The following OXR1 variants were observed in gnomAD, a reference collection of about 807,000 sequenced individuals.
OXR1 encodes the protein oxidation resistance protein 1.
OXR1 carries 41 observed loss-of-function variants against 104.6 expected under a neutral mutation model. That is an observed-to-expected ratio of 0.39 (90% CI 0.31 to 0.51). The LOEUF is 0.51. Ranked by LOEUF, OXR1 falls within the 20% of genes least tolerant of loss-of-function variation. The pLI is 0.77. For synonymous variants in OXR1, 348 were observed against 348.4 expected (o/e 1.00, Z 0.01); for missense variants, 955 against 1,031.9 (o/e 0.93, Z 1.02).
At chr8:106,472,962 C>G (rs1374908871) in intron 2 of OXR1, among the ~76,000 whole-genome samples, 1 of 151,838 alleles carries the variant, frequency 6.6e-6, no homozygotes, top group Non-Finnish European at 1.5e-5. Context: ...TAACCAGTTT[C>G]TCCATCATTC....
At chr8:106,636,448 T>C (rs1053775068) in intron 3 of OXR1, among the ~76,000 whole-genome samples, 6 of 152,156 alleles carry the variant, frequency 3.9e-5, no homozygotes, top group Admixed American at 3.9e-4. Flanking sequence ...CTCCTTCCTA[T>C]AGAAACCCGA....
chr8:106,690,396 T>G (rs1474520008), intron 6 of OXR1, among the ~76,000 whole-genome samples: 2 of 151,200 alleles, frequency 1.3e-5, no homozygotes, highest in Admixed American at 6.6e-5. Flanking sequence ...TTTAATAGAT[T>G]ATACTGTAAT....
intron 3 of OXR1, among the ~76,000 whole-genome samples, chr8:106,598,266 G>A (rs983952808): frequency 6.6e-6 from 1 of 152,158 alleles, no homozygotes; most frequent in African/African-American, 2.4e-5. Flanking sequence ...TGAGAGATTA[G>A]TGGCTTAACA....
chr8:106,643,602 C>A (rs529548614), intron 3 of OXR1, among the ~76,000 whole-genome samples: 3 of 152,266 alleles, frequency 2.0e-5, no homozygotes, highest in African/African-American at 7.2e-5. Flanking sequence ...CTAGCTTTCA[C>A]AGCCAGAAAA....
At chr8:106,437,630 C>A (rs1051618932) in intron 2 of OXR1, among the ~76,000 whole-genome samples, 6 of 152,096 alleles carry the variant, frequency 3.9e-5, no homozygotes, top group African/African-American at 7.2e-5. Flanking sequence ...GGATCATGAT[C>A]CCAATTTGAC....
intron 2 of OXR1, among the ~76,000 whole-genome samples, chr8:106,434,624 G>C (rs1031297034): frequency 6.6e-6 from 1 of 152,176 alleles, no homozygotes; most frequent in Non-Finnish European, 1.5e-5. Flanking sequence ...ATTATTCTGA[G>C]AGACAAAGAA....
intron 1 of OXR1, among the ~76,000 whole-genome samples, chr8:106,318,567 C>T (rs1474228488): frequency 6.6e-6 from 1 of 152,204 alleles, no homozygotes; most frequent in Non-Finnish European, 1.5e-5. Flanking sequence ...TTGAAATACC[C>T]TCTTAACACT....
chr8:106,714,432 T>G (rs1228835538), intron 11 of OXR1, among the ~76,000 whole-genome samples: 1 of 152,096 alleles, frequency 6.6e-6, no homozygotes, highest in East Asian at 1.9e-4. Context: ...TACAAATTAC[T>G]ACTCCTTTCT....
chr8:106,335,587 G>A (rs1364851093), intron 1 of OXR1, among the ~76,000 whole-genome samples: 2 of 151,556 alleles, frequency 1.3e-5, no homozygotes, highest in Non-Finnish European at 2.9e-5. Context: ...CTATCTGCTT[G>A]GTTATAATTA....
chr8:106,661,307 C>G (rs1304059237), intron 3 of OXR1, among the ~76,000 whole-genome samples: 2 of 152,204 alleles, frequency 1.3e-5, no homozygotes, highest in Non-Finnish European at 2.9e-5. Context: ...GCTGCTTTTG[C>G]TCTTACCAGC....
chr8:106,366,372 A>G (rs892071857), intron 2 of OXR1, among the ~76,000 whole-genome samples: 1 of 152,204 alleles, frequency 6.6e-6, no homozygotes, highest in African/African-American at 2.4e-5. Context: ...CCTTAAGGCT[A>G]GAGTTTCTAA....
At chr8:106,312,521 G>A (rs1293641060) in intron 1 of OXR1, among the ~76,000 whole-genome samples, 1 of 152,114 alleles carries the variant, frequency 6.6e-6, no homozygotes, top group African/African-American at 2.4e-5. Flanking sequence ...TGGAAGAGGT[G>A]GTACAGGGAT....
At chr8:106,678,401 A>G (rs1827811175) in intron 3 of OXR1, among the ~76,000 whole-genome samples, 1 of 152,052 alleles carries the variant, frequency 6.6e-6, no homozygotes, top group Non-Finnish European at 1.5e-5. Flanking sequence ...GGTAAAGTAA[A>G]TGTAGCATTT....
chr8:106,665,904 G>C (rs942733132), intron 3 of OXR1, among the ~76,000 whole-genome samples: 1 of 151,990 alleles, frequency 6.6e-6, no homozygotes, highest in Non-Finnish European at 1.5e-5. Context: ...TAAACCTGTT[G>C]CTTAGGCAGC....
At chr8:106,691,609 C>CATAT (rs1563711485) in intron 6 of OXR1, among the ~76,000 whole-genome samples, 1 of 76,866 alleles carries the variant, frequency 1.3e-5, no homozygotes, top group African/African-American at 5.4e-5. Flanking sequence ...ACAATGTGCA[C>CATAT]ATATATATAC....
intron 1 of OXR1, among the ~76,000 whole-genome samples, chr8:106,284,193 A>G (rs928236349): frequency 2.6e-5 from 4 of 152,036 alleles, no homozygotes; most frequent in Admixed American, 2.6e-4. Context: ...CTGAAGGCCA[A>G]GCAGAGGCGG....
At chr8:106,699,629 A>G (rs2131340694) in intron 7 of OXR1, among the ~76,000 whole-genome samples, 1 of 152,286 alleles carries the variant, frequency 6.6e-6, no homozygotes, top group African/African-American at 2.4e-5. Flanking sequence ...AGTTCATTTG[A>G]TATCTGAATA....
intron 1 of OXR1, chr8:106,272,793 A>G (rs539651108): frequency 1.2e-4 from 18 of 152,318 alleles, no homozygotes; most frequent in Middle Eastern, 6.8e-3. Flanking sequence ...TTTTATGGCT[A>G]TGATTTTTTT....
intron 1 of OXR1, among the ~76,000 whole-genome samples, chr8:106,299,141 C>T (rs1009765339): frequency 2.6e-5 from 4 of 151,984 alleles, no homozygotes; most frequent in African/African-American, 4.8e-5. Flanking sequence ...TTGTGTTCAT[C>T]GCAGATTAAC....
Sources: gnomAD v4.1 joint callset for allele counts (sites outside exome capture counted in the v4.1 genomes callset) on GRCh38, gnomAD v4.1.1 for gene constraint, MANE v1.5 for transcripts, NCBI Gene and HGNC (gene_info 2026-07-23, HGNC 2026-07-21) for gene names.